DOCK4: variants seen among roughly 807,000 people sequenced by gnomAD.
DOCK4 encodes the protein dedicator of cytokinesis protein 4.
A neutral mutation model predicts 268.1 loss-of-function variants in DOCK4; 97 were observed. The ratio of observed to expected loss-of-function variants is 0.36; its 90% CI spans 0.31 to 0.43. The LOEUF (loss-of-function observed/expected upper bound fraction) is 0.43. DOCK4 is among the 20% of genes least tolerant of loss of function. DOCK4 has a pLI of 1.00. For missense variants in DOCK4, 2,145 were observed against 2,455.7 expected (o/e 0.87, Z 2.67); for synonymous variants, 954 against 887.2 (o/e 1.08, Z -1.34).
intron 16 of DOCK4, among the ~76,000 whole-genome samples, chr7:111,884,015 T>A (rs1034386319): frequency 7.2e-5 from 11 of 152,172 alleles, no homozygotes; most frequent in African/African-American, 2.7e-4. Flanking sequence ...TAACTACTCT[T>A]TGGTCTCTAT....
intron 1 of DOCK4, among the ~76,000 whole-genome samples, chr7:112,170,534 C>A (rs1324515674): frequency 1.3e-5 from 2 of 151,924 alleles, no homozygotes. Context: ...ATCTCAATAG[C>A]TCCAAAGACA....
chr7:112,045,562 A>G (rs1804756874), intron 1 of DOCK4, among the ~76,000 whole-genome samples: 1 of 152,214 alleles, frequency 6.6e-6, no homozygotes. Flanking sequence ...ATTTATCACA[A>G]TGTGTTATAA....
chr7:111,731,546 A>AG (rs11400081), intron 52 of DOCK4, among the ~76,000 whole-genome samples: 152,344 of 152,344 alleles, frequency 1, 76,172 homozygotes, highest in Non-Finnish European at 1. Flanking sequence ...CAATTTGGAT[A>AG]AGACTAAATA....
chr7:111,948,303 A>G (rs34864857), intron 8 of DOCK4, among the ~76,000 whole-genome samples: 11,227 of 152,178 alleles, frequency 0.074, 568 homozygotes, highest in Non-Finnish European at 0.11. Flanking sequence ...CTGAGCAAGG[A>G]TTCTATTCCA....
intron 1 of DOCK4, among the ~76,000 whole-genome samples, chr7:112,125,350 G>C (rs962436445): frequency 6.6e-6 from 1 of 152,086 alleles, no homozygotes; most frequent in Non-Finnish European, 1.5e-5. Context: ...AAATTATTCA[G>C]AGTCTTTCTT....
chr7:111,960,420 T>C lies in DOCK4; in HGVS notation c.702-14622A>G, dbSNP rs182877510. Among the ~76,000 whole-genome samples the C allele has an allele frequency of 5.6e-3, 847 of 150,066 alleles. 11 individuals are homozygous for C. Among genetic ancestry groups the C allele is most frequent in the African/African-American group, 0.02 (817 of 41,104 alleles). Reference sequence around the variant, plus strand: ...TATAAATAAAAATTGTATATATTTATCAATTCTAAATAAAACATGTTGTTT... The same window carrying C: ...TATAAATAAAAATTGTATATATTTACCAATTCTAAATAAAACATGTTGTTT... On this transcript the variant is annotated intron_variant, in intron 8 of 52. Transcript: ENST00000428084.
At chr7:112,193,067 A>T (rs1820118844) in intron 1 of DOCK4, among the ~76,000 whole-genome samples, 1 of 152,202 alleles carries the variant, frequency 6.6e-6, no homozygotes, top group Admixed American at 6.5e-5. Flanking sequence ...TTCATATAAT[A>T]AAACTTCCAT....
chr7:111,773,899 C>G (rs971958830), intron 36 of DOCK4, among the ~76,000 whole-genome samples: 2 of 151,698 alleles, frequency 1.3e-5, no homozygotes, highest in South Asian at 2.1e-4. Context: ...TGCCTGTGGT[C>G]CCAACTACCT....
intron 8 of DOCK4, among the ~76,000 whole-genome samples, chr7:111,950,453 G>A (rs1795968264): frequency 6.6e-6 from 1 of 152,162 alleles, no homozygotes; most frequent in Admixed American, 6.5e-5. Flanking sequence ...TTTCCTAAGT[G>A]GAAGAGAAGT....
At chr7:111,913,461 G>C (rs1220249608) in intron 13 of DOCK4, among the ~76,000 whole-genome samples, 3 of 149,022 alleles carry the variant, frequency 2.0e-5, no homozygotes, top group Non-Finnish European at 4.4e-5. Context: ...CCAGGCTGGA[G>C]TGCAGTGGCG....
intron 1 of DOCK4, among the ~76,000 whole-genome samples, chr7:112,054,043 T>C (rs1805603933): frequency 1.3e-5 from 2 of 152,096 alleles, no homozygotes; most frequent in Admixed American, 1.3e-4. Context: ...GATTTGGGAC[T>C]ACATGCAGTG....
chr7:112,136,640 G>A (rs114565297), intron 1 of DOCK4, among the ~76,000 whole-genome samples: 307 of 152,218 alleles, frequency 2.0e-3, no homozygotes, highest in African/African-American at 6.9e-3. Flanking sequence ...ACTACTATCA[G>A]GCTGGCATAA....
intron 1 of DOCK4, among the ~76,000 whole-genome samples, chr7:112,163,706 T>C (rs1817343781): frequency 6.6e-6 from 1 of 152,184 alleles, no homozygotes; most frequent in South Asian, 2.1e-4. Flanking sequence ...TATTACCCCA[T>C]TTTACAAATG....
intron 23 of DOCK4, among the ~76,000 whole-genome samples, chr7:111,857,572 T>C (rs1176148303): frequency 6.6e-6 from 1 of 152,196 alleles, no homozygotes; most frequent in Non-Finnish European, 1.5e-5. Context: ...TAGAAACATA[T>C]ATAGCTATTT....
At chr7:111,777,796 G>C (rs1798546022) in intron 36 of DOCK4, among the ~76,000 whole-genome samples, 1 of 151,668 alleles carries the variant, frequency 6.6e-6, no homozygotes, top group African/African-American at 2.4e-5. Context: ...TTTTATAAGG[G>C]AGAGTTTCCC....
chr7:111,789,846 T>C lies in DOCK4; in HGVS notation c.3315+611A>G, dbSNP rs150064014. Among the ~76,000 whole-genome samples, 9 of 152,274 alleles carry C rather than the reference T, an allele frequency of 5.9e-5. No homozygotes were observed. The East Asian group carries it at 1.4e-3, about 23-fold the overall frequency. On this transcript the variant is annotated intron_variant, in intron 31 of 52. Transcript: ENST00000428084. ...AGACAGTAGGCCTACTATCTCCAAA[T>C]TGAAGGACCTGGCAGAGCAAAAGCA...
At chr7:112,029,539 T>A (rs1240571558) in intron 1 of DOCK4, among the ~76,000 whole-genome samples, 1 of 152,222 alleles carries the variant, frequency 6.6e-6, no homozygotes, top group Admixed American at 6.5e-5. Flanking sequence ...TTTTGCAAAG[T>A]CAAACTGAGG....
At chr7:111,812,165 G>A (rs948645740) in intron 27 of DOCK4, among the ~76,000 whole-genome samples, 9 of 152,148 alleles carry the variant, frequency 5.9e-5, no homozygotes, top group African/African-American at 1.9e-4. Flanking sequence ...ACTGATACAC[G>A]AAAGATCTAT....
At chr7:112,160,603 A>T (rs367976371) in intron 1 of DOCK4, among the ~76,000 whole-genome samples, 45 of 152,322 alleles carry the variant, frequency 3.0e-4, no homozygotes, top group African/African-American at 1.1e-3. Flanking sequence ...TGGCAGTCAG[A>T]GGTTACACAG....
Sources: allele counts gnomAD v4.1 joint callset (sites outside exome capture counted in the v4.1 genomes callset), GRCh38; gene constraint gnomAD v4.1.1; transcripts MANE v1.5; gene names NCBI Gene and HGNC (gene_info 2026-07-23, HGNC 2026-07-21).